Variants in KPNA1 observed in about 807,000 individuals in gnomAD.
KPNA1 encodes the protein karyopherin subunit alpha 1.
KPNA1 carries 10 observed loss-of-function variants against 70.5 expected under a neutral mutation model. That is an observed-to-expected ratio of 0.14 (90% CI 0.09 to 0.24). The LOEUF is 0.24. Among genes scored for constraint, KPNA1 ranks in the 10% least tolerant of loss-of-function variants. KPNA1 has a pLI of 1.00. For synonymous variants in KPNA1, 192 were observed against 221.9 expected (o/e 0.87, Z 1.20); for missense variants, 397 against 637.9 (o/e 0.62, Z 4.07).
Position 122,496,495 on chromosome 3 carries a change from A to C in KPNA1, c.71T>G (p.Met24Arg). The C allele has an allele frequency of 6.2e-7, 1 of 1,613,862 alleles. No homozygotes were observed. The highest frequency in any genetic ancestry group is 8.5e-7 in the Non-Finnish European group (1 of 1,179,866). ...TCCTTCTTCCTCCCTCCTCCTGCGC[A>C]TCTCATCGGGATTCAGAGATTTGTT... ...YKNKSLNPDE[M>R]RRRREEEGLQ... Residue 24 changes from methionine (M) to arginine (R), a missense_variant, in exon 2 of 14, where the codon ATG becomes AGG. Met to Arg is a moderately conservative substitution (Grantham distance 91). Coordinates refer to ENST00000344337, the MANE Select transcript of KPNA1 (RefSeq NM_002264.4).
chr3:122,441,134 C>T (rs1027488460), intron 10 of KPNA1, among the ~76,000 whole-genome samples: 9 of 152,112 alleles, frequency 5.9e-5, no homozygotes, highest in Admixed American at 3.3e-4. Flanking sequence ...AGGATTGCCC[C>T]GTGGAAGATG....
At chr3:122,463,339 C>T (rs1414312331) in intron 4 of KPNA1, among the ~76,000 whole-genome samples, 3 of 102,522 alleles carry the variant, frequency 2.9e-5, no homozygotes, top group African/African-American at 7.3e-5. Flanking sequence ...CAGAGTGAGA[C>T]TCCATCTCAA....
At chr3:122,445,093 T>C (rs774007939) in intron 9 of KPNA1, among the ~76,000 whole-genome samples, 1 of 152,134 alleles carries the variant, frequency 6.6e-6, no homozygotes, top group Non-Finnish European at 1.5e-5. Context: ...AGGTCGGTAA[T>C]AACTAACTTC....
rs1031894755 is a variant in KPNA1, at chr3:122,426,218, CAA to C, written c.*765_*766del. ...TTCCAAATTCTAAGACACAAAAGAC[CAA>C]AGAGAAGCAAAAGCGATACAAATTA... On this transcript the variant is annotated 3_prime_UTR_variant, in exon 14 of 14. Transcript: ENST00000344337. 6.6e-6 allele frequency: 1 copy of C among 152,406 alleles called. No homozygotes were observed. The highest frequency in any genetic ancestry group is 2.4e-5 in the African/African-American group (1 of 41,376). 9.4% of individuals were successfully genotyped at this position (152,406 alleles called of 1,614,324 possible).
chr3:122,469,726 G>A (rs1458158819), intron 2 of KPNA1, among the ~76,000 whole-genome samples: 1 of 151,908 alleles, frequency 6.6e-6, no homozygotes, highest in Non-Finnish European at 1.5e-5. Context: ...CTACACCTAG[G>A]GATATCATTT....
At chr3:122,482,527 T>A (rs1397986557) in intron 2 of KPNA1, among the ~76,000 whole-genome samples, 1 of 151,994 alleles carries the variant, frequency 6.6e-6, no homozygotes, top group Non-Finnish European at 1.5e-5. Context: ...GTTAAAGAAA[T>A]AAAAGTCATC....
chr3:122,431,942 T>C (rs1158308862), intron 12 of KPNA1, among the ~76,000 whole-genome samples: 1 of 152,010 alleles, frequency 6.6e-6, no homozygotes, highest in Non-Finnish European at 1.5e-5. Flanking sequence ...TAGCTGGGAT[T>C]ACGGGTGCAC....
chr3:122,451,320 C>G (rs1464825371), intron 8 of KPNA1, among the ~76,000 whole-genome samples: 1 of 152,126 alleles, frequency 6.6e-6, no homozygotes, highest in Non-Finnish European at 1.5e-5. Flanking sequence ...GCAGTCCCAT[C>G]GTAAATGTGC....
At chr3:122,509,997 TACAA>T (rs956226713) in intron 1 of KPNA1, among the ~76,000 whole-genome samples, 9 of 152,258 alleles carry the variant, frequency 5.9e-5, no homozygotes, top group East Asian at 3.9e-4. Context: ...GAAGATCACA[TACAA>T]ACAAAGAATC....
intron 10 of KPNA1, 98 bp downstream of exon 10, chr3:122,441,940 C>A: frequency 1.1e-6 from 1 of 945,626 alleles, no homozygotes; most frequent in Non-Finnish European, 1.7e-6. Flanking sequence ...TATCAAGTTT[C>A]CCTAATAATA....
chr3:122,461,438 C>G (rs2076322920), intron 4 of KPNA1, 120 bp from the exon 5 acceptor site: 3 of 625,380 alleles, frequency 4.8e-6, no homozygotes, highest in Non-Finnish European at 8.5e-6. Flanking sequence ...GGAAATCTAC[C>G]TAAAACAAAT....
rs983225576 is a variant in KPNA1, at chr3:122,426,639, TGAG to T, written c.*343_*345del. The T allele has an allele frequency of 1.7e-4, 34 of 195,488 alleles. No individual in the cohort carries two copies. The highest frequency in any genetic ancestry group is 6.3e-4 in the African/African-American group (27 of 43,176). 12.1% of individuals were successfully genotyped at this position (195,488 alleles called of 1,614,324 possible). ...GTTTTTTCCCCCATGTTAAAGGGAATGAGGAGGAGTCCTCTTTTATTCCCCCAC... is the reference window on the plus strand; with the variant it reads ...GTTTTTTCCCCCATGTTAAAGGGAATGAGGAGTCCTCTTTTATTCCCCCAC... On this transcript the variant is annotated 3_prime_UTR_variant, in exon 14 of 14. Transcript: ENST00000344337.
intron 2 of KPNA1, among the ~76,000 whole-genome samples, chr3:122,478,359 C>T (rs2076529320): frequency 6.6e-6 from 1 of 151,940 alleles, no homozygotes; most frequent in East Asian, 2.0e-4. Flanking sequence ...CATTGGCTCA[C>T]ACCTGTAATC....
rs1016722918 is a variant in KPNA1 at position 122,454,761 on chromosome 3, T to G, written c.433-760A>C. Reference sequence around the variant, plus strand: ...ACCAAAATACAGAGATAGGACTTTTTGGGCATTCTTAATAGGGAGGGAAAA... The same window carrying G: ...ACCAAAATACAGAGATAGGACTTTTGGGGCATTCTTAATAGGGAGGGAAAA... On this transcript the variant is annotated intron_variant, in intron 5 of 13. Transcript: ENST00000344337. Among the ~76,000 whole-genome samples, 6 of 152,174 alleles carry G rather than the reference T, an allele frequency of 3.9e-5. No homozygotes were observed. In the South Asian group the frequency reaches 8.3e-4, roughly 21 times the overall value.
chr3:122,429,446 C>CAA (rs57991855), intron 12 of KPNA1, among the ~76,000 whole-genome samples: 5,183 of 58,066 alleles, frequency 0.089, 684 homozygotes, highest in East Asian at 0.33. Flanking sequence ...AACTCTGTCT[C>CAA]AAAAAAAAAA....
intron 10 of KPNA1, among the ~76,000 whole-genome samples, chr3:122,439,695 T>C (rs937542173): frequency 1.3e-5 from 2 of 152,122 alleles, no homozygotes; most frequent in African/African-American, 2.4e-5. Flanking sequence ...GGGGAATAAA[T>C]TGAGAAGAGT....
intron 2 of KPNA1, among the ~76,000 whole-genome samples, chr3:122,487,479 T>C (rs1226226521): frequency 6.6e-6 from 1 of 152,226 alleles, no homozygotes; most frequent in Non-Finnish European, 1.5e-5. Context: ...ATTGCAGCAT[T>C]ATTCACATGG....
At chr3:122,483,091 CA>C (rs138583687) in intron 2 of KPNA1, 3 of 155,722 alleles carry the variant, frequency 1.9e-5, no homozygotes. Flanking sequence ...GACAGGAAAC[CA>C]AAAAAGGCAG....
intron 1 of KPNA1, among the ~76,000 whole-genome samples, chr3:122,508,106 G>C (rs1024520977): frequency 2.0e-5 from 3 of 152,050 alleles, no homozygotes; most frequent in Admixed American, 2.0e-4. Flanking sequence ...GGTAGACATG[G>C]TAGAATACTA....
Sources: gnomAD v4.1 joint callset for allele counts (sites outside exome capture counted in the v4.1 genomes callset) on GRCh38, gnomAD v4.1.1 for gene constraint, MANE v1.5 for transcripts, NCBI Gene and HGNC (gene_info 2026-07-23, HGNC 2026-07-21) for gene names.